Variants in GJB1 observed in about 807,000 individuals in gnomAD.
GJB1 encodes gap junction protein beta 1.
GJB1 carries 1 observed loss-of-function variant against 12.0 expected under a neutral mutation model. That is an observed-to-expected ratio of 0.08 (90% CI 0.03 to 0.40). The LOEUF is 0.40. Among genes scored for constraint, GJB1 ranks in the 10% least tolerant of loss-of-function variants. The pLI, the probability that GJB1 is intolerant of heterozygous loss-of-function variation, is 0.98. For missense variants in GJB1, 140 were observed against 250.3 expected (o/e 0.56, Z 2.97); for synonymous variants, 114 against 102.8 (o/e 1.11, Z -0.66).
upstream of GJB1, among the ~76,000 whole-genome samples, chrX:71,220,608 A>C (rs1474828959): frequency 9.3e-6 from 1 of 107,245 alleles, no homozygotes; most frequent in Non-Finnish European, 1.9e-5. Flanking sequence ...CTGGGTTCTA[A>C]CAATTCTCCT....
At chrX:71,220,568 G>A (rs749117868), upstream of GJB1, among the ~76,000 whole-genome samples, 2 of 109,379 alleles carry the variant, frequency 1.8e-5, no homozygotes, top group African/African-American at 3.3e-5. Flanking sequence ...GTGCAGTGAC[G>A]GGATCTCCAC....
At chrX:71,221,286 C>G (rs924497394), upstream of GJB1, among the ~76,000 whole-genome samples, 1 of 111,432 alleles carries the variant, frequency 9.0e-6, no homozygotes, top group Non-Finnish European at 1.9e-5. Context: ...CCTGCTTCCC[C>G]ATGCTGGTTG....
upstream of GJB1, among the ~76,000 whole-genome samples, chrX:71,219,966 C>T (rs41399548): frequency 0.026 from 2,693 of 102,094 alleles, 82 homozygotes; most frequent in East Asian, 0.13. Flanking sequence ...CCTCAGCCTC[C>T]TGAGTAGCTG....
chrX:71,222,145 C>A (rs1028960134), upstream of GJB1, among the ~76,000 whole-genome samples: 20 of 110,619 alleles, frequency 1.8e-4, no homozygotes, highest in Admixed American at 3.9e-4. Context: ...TTGTCCCCAC[C>A]CTCTAATAAA....
upstream of GJB1, among the ~76,000 whole-genome samples, chrX:71,220,000 G>A (rs1401015546): frequency 4.8e-5 from 5 of 104,246 alleles, no homozygotes; most frequent in East Asian, 3.1e-4. Flanking sequence ...GCGCCACCAC[G>A]CCCAGCTAAT....
upstream of GJB1, among the ~76,000 whole-genome samples, chrX:71,218,864 T>C (rs965130255): frequency 1.6e-4 from 17 of 106,295 alleles, no homozygotes; most frequent in African/African-American, 2.8e-4. Flanking sequence ...CCAGCCTGGG[T>C]GACTGAGCTA....
At chrX:71,220,889 C>CTTTTTTTTTTTTTT (rs1491472340), upstream of GJB1, among the ~76,000 whole-genome samples, 12 of 52,745 alleles carry the variant, frequency 2.3e-4, no homozygotes, top group African/African-American at 6.2e-4. Flanking sequence ...TTGTTTCTTT[C>CTTTTTTTTTTTTTT]CTTTTTTTTT....
At position 71,223,761 on chromosome X, in the gene GJB1, T is replaced by C; in HGVS notation, c.54T>C (p.Thr18=). ...TLLSGVNRHS[T]AIGRVWLSVI... ...TCAGTGGCGTGAACCGGCATTCTAC[T>C]GCCATTGGCCGAGTATGGCTCTCGG... The change falls in exon 2 of 2, where the codon ACT becomes ACC. Residue 18 remains threonine, a synonymous_variant. Transcript: ENST00000361726. 1 of 1,210,672 alleles carries C rather than the reference T, an allele frequency of 8.3e-7. No individual in the cohort carries two copies. The highest frequency in any genetic ancestry group is 1.8e-5 in the South Asian group (1 of 56,984).
At chrX:71,219,916 C>T (rs1175510230), upstream of GJB1, among the ~76,000 whole-genome samples, 1 of 100,409 alleles carries the variant, frequency 1.0e-5, no homozygotes, top group Non-Finnish European at 2.0e-5. Context: ...GATCTCAGCT[C>T]ACTACAACAT....
chrX:71,220,142 C>CTTTTTTT (rs41353351), upstream of GJB1, among the ~76,000 whole-genome samples: 2 of 52,825 alleles, frequency 3.8e-5, no homozygotes, highest in African/African-American at 2.9e-4. Flanking sequence ...TGTGCCTGGC[C>CTTTTTTT]TTTTTTTTTT....
chrX:71,220,291 A>G (rs1389311597), upstream of GJB1, among the ~76,000 whole-genome samples: 1 of 105,711 alleles, frequency 9.5e-6, no homozygotes, highest in Non-Finnish European at 1.9e-5. Flanking sequence ...CTGCCTCCCA[A>G]AGTGCTGGGA....
chrX:71,222,272 G>A (rs1273409022), upstream of GJB1, among the ~76,000 whole-genome samples: 3 of 106,535 alleles, frequency 2.8e-5, no homozygotes, highest in African/African-American at 1.0e-4. Flanking sequence ...TTTTTGAGAC[G>A]GAGTCTTGCT....
upstream of GJB1, among the ~76,000 whole-genome samples, chrX:71,221,171 C>T (rs772209872): frequency 9.0e-6 from 1 of 111,220 alleles, no homozygotes; most frequent in South Asian, 3.7e-4. Context: ...CAGGCGTGAG[C>T]CACCTTGCCC....
rs1344138012 is a variant in GJB1 at position 71,224,109 on chromosome X, C to G, written c.402C>G (p.Thr134=). Residue 134 remains threonine, a synonymous_variant, in exon 2 of 2, where the codon ACC becomes ACG. Transcript: ENST00000361726. Reference sequence around the variant, plus strand: ...ACATCTCAGGGACACTGTGGTGGACCTATGTCATCAGCGTGGTGTTCCGGC... The same window carrying G: ...ACATCTCAGGGACACTGTGGTGGACGTATGTCATCAGCGTGGTGTTCCGGC... The part of the protein sequence containing the change: ...KVHISGTLWW[T]YVISVVFRLL... The G allele has an allele frequency of 6.6e-6, 8 of 1,205,024 alleles. No homozygotes were observed. The highest frequency in any genetic ancestry group is 9.0e-6 in the Non-Finnish European group (8 of 892,623).
At chrX:71,218,908 T>C (rs2092530978), upstream of GJB1, among the ~76,000 whole-genome samples, 1 of 108,723 alleles carries the variant, frequency 9.2e-6, no homozygotes, top group Admixed American at 1.0e-4. Context: ...AAAGTGTGTG[T>C]TCTGGAGTCA....
chrX:71,219,246 C>G (rs2092531713), upstream of GJB1, among the ~76,000 whole-genome samples: 1 of 107,933 alleles, frequency 9.3e-6, no homozygotes, highest in Non-Finnish European at 1.9e-5. Context: ...GCCTCGACCT[C>G]TTGGACTCAA....
chrX:71,224,971 G>T lies in GJB1; in HGVS notation c.*412G>T, dbSNP rs1389797471. ...TGGGTAAGAGGAGCAGAGGGCAGGG[G>T]TGCTGTGGACATGTGGGTGGAGAAG... On this transcript the variant is annotated 3_prime_UTR_variant, in exon 2 of 2. Coordinates refer to ENST00000361726, the MANE Select transcript of GJB1 (RefSeq NM_000166.6). 2.4e-5 allele frequency: 5 copies of T among 212,537 alleles called. No homozygotes were observed. In the East Asian group the frequency reaches 6.1e-4, roughly 26 times the overall value. The allele number at this position is 212,537 out of a possible 1,213,427, so 17.5% of individuals were successfully genotyped here. A position where few individuals can be genotyped will look rare whatever the true frequency, so the allele number is the denominator to read the frequency against.
upstream of GJB1, among the ~76,000 whole-genome samples, chrX:71,221,832 T>C (rs1398800639): frequency 9.0e-6 from 1 of 110,533 alleles, no homozygotes; most frequent in Non-Finnish European, 1.9e-5. Flanking sequence ...ACAGACCCTA[T>C]AGGTCAACAA....
chrX:71,224,121 C>T lies in GJB1; in HGVS notation c.414C>T (p.Ser138=), dbSNP rs1317916250. Residue 138 remains serine (S), a synonymous_variant, in exon 2 of 2, where the codon AGC becomes AGT. Transcript: ENST00000361726. ...CACTGTGGTGGACCTATGTCATCAG[C>T]GTGGTGTTCCGGCTGTTGTTTGAGG... ...SGTLWWTYVI[S]VVFRLLFEAV... is the part of the protein sequence containing the mutation. 8 of 1,202,981 alleles carry T rather than the reference C, an allele frequency of 6.7e-6. No homozygotes were observed. The highest frequency in any genetic ancestry group is 5.3e-5 in the African/African-American group (3 of 56,783).
Sources: gnomAD v4.1 joint callset for allele counts (sites outside exome capture counted in the v4.1 genomes callset) on GRCh38, gnomAD v4.1.1 for gene constraint, MANE v1.5 for transcripts, NCBI Gene and HGNC (gene_info 2026-07-23, HGNC 2026-07-21) for gene names.